LZTS1: variants seen among roughly 807,000 people sequenced by gnomAD.
LZTS1 encodes leucine zipper tumor suppressor 1.
Under a neutral mutation model 45.8 loss-of-function variants are expected in LZTS1, and 31 were observed. That is an observed-to-expected ratio of 0.68 (90% CI 0.51 to 0.91). The LOEUF is 0.91. Ranked by LOEUF, LZTS1 falls within the 40% of genes least tolerant of loss-of-function variation. The probability of loss-of-function intolerance (pLI) is 0.00; values close to 1 mark genes in which losing one functional copy is unlikely to be tolerated. For missense variants in LZTS1, 821 were observed against 788.9 expected, an observed-to-expected ratio of 1.04 and a Z score of -0.49; for synonymous variants, 359 against 357.3, an observed-to-expected ratio of 1.00 and a Z score of -0.05.
chr8:20,276,916 C>T (rs1013779206), intron 1 of LZTS1, among the ~76,000 whole-genome samples: 5 of 152,186 alleles, frequency 3.3e-5, no homozygotes, highest in African/African-American at 1.2e-4. Flanking sequence ...GCTCCCAATA[C>T]TGGACATTAG....
Position 20,253,367 on chromosome 8 carries a change from G to A in LZTS1, c.564C>T (p.Ser188=), listed in dbSNP as rs753823119. 1 of 1,613,516 alleles carries A rather than the reference G, an allele frequency of 6.2e-7. No individual in the cohort carries two copies. Among genetic ancestry groups the A allele is most frequent in the Admixed American group, 1.7e-5 (1 of 60,016 alleles). ...SMSSLPTHST[S]SSYQLDPLVT... ...CCAGCGGGTCCAGCTGGTAGCTGCT[G>A]CTGGTGCTGTGTGTGGGCAGGCTGG... Residue 188 remains serine (S), a synonymous_variant, in exon 3 of 4, where the codon AGC becomes AGT. Coordinates refer to ENST00000381569, the MANE Select transcript of LZTS1 (RefSeq NM_021020.5).
At chr8:20,260,569 A>C (rs951246092) in intron 1 of LZTS1, among the ~76,000 whole-genome samples, 1 of 152,214 alleles carries the variant, frequency 6.6e-6, no homozygotes, top group Admixed American at 6.5e-5. Flanking sequence ...CCCAGATAGC[A>C]AAATGAGCTT....
chr8:20,253,157 C>T lies in LZTS1; in HGVS notation c.774G>A (p.Thr258=), dbSNP rs749986352. 9.9e-6 allele frequency: 16 copies of T among 1,613,244 alleles called. No individual in the cohort carries two copies. Among genetic ancestry groups the T allele is most frequent in the Non-Finnish European group, 1.3e-5 (15 of 1,180,050 alleles). ...GPSCVRSPIS[T]DECSIQELEQ... ...CCAGCTCCTGGATGCTGCACTCGTC[C>T]GTGGAGATGGGGGAGCGGACACACG... Residue 258 remains threonine (T), a synonymous_variant, in exon 3 of 4, where the codon ACG becomes ACA. Transcript: ENST00000381569.
At chr8:20,264,849 G>A (rs903499058) in intron 1 of LZTS1, among the ~76,000 whole-genome samples, 5 of 152,222 alleles carry the variant, frequency 3.3e-5, no homozygotes, top group African/African-American at 1.2e-4. Context: ...TAACAGGACA[G>A]GGACAACTGG....
intron 1 of LZTS1, among the ~76,000 whole-genome samples, chr8:20,258,893 G>A (rs1019194724): frequency 6.6e-6 from 1 of 152,062 alleles, no homozygotes; most frequent in Non-Finnish European, 1.5e-5. Context: ...CCATTCCTGC[G>A]AGGTGTGACT....
intron 1 of LZTS1, among the ~76,000 whole-genome samples, chr8:20,296,745 TCTGGCA>T (rs1271193503): frequency 6.6e-6 from 1 of 152,170 alleles, no homozygotes; most frequent in African/African-American, 2.4e-5. Flanking sequence ...GTGCATGTGC[TCTGGCA>T]CTGGCCTGAA....
chr8:20,257,296 G>A (rs1261275370), intron 1 of LZTS1, among the ~76,000 whole-genome samples: 1 of 152,126 alleles, frequency 6.6e-6, no homozygotes, highest in Non-Finnish European at 1.5e-5. Context: ...GGAGGCGGAG[G>A]TTGCAGTGAG....
chr8:20,288,986 G>GTTTTT (rs1800847427), intron 1 of LZTS1, among the ~76,000 whole-genome samples: 1 of 58,234 alleles, frequency 1.7e-5, no homozygotes, highest in Admixed American at 2.0e-4. Flanking sequence ...AATAGCAGCT[G>GTTTTT]GTTTTTTTTT....
intron 1 of LZTS1, among the ~76,000 whole-genome samples, chr8:20,264,256 G>A (rs1158803022): frequency 4.6e-5 from 7 of 152,032 alleles, no homozygotes; most frequent in Non-Finnish European, 1.0e-4. Context: ...CCATTTACCT[G>A]CTGTGTAATA....
chr8:20,302,084 T>G (rs987813318), intron 1 of LZTS1, among the ~76,000 whole-genome samples: 2 of 152,096 alleles, frequency 1.3e-5, no homozygotes, highest in Non-Finnish European at 1.5e-5. Context: ...CTCCATCCTA[T>G]TAGCTGTGGG....
At chr8:20,291,020 C>A (rs1209706467) in intron 1 of LZTS1, among the ~76,000 whole-genome samples, 1 of 152,226 alleles carries the variant, frequency 6.6e-6, no homozygotes, top group Admixed American at 6.5e-5. Context: ...TCCACTCCTG[C>A]ACCACATCTG....
Position 20,251,150 on chromosome 8 carries a change from A to ATATATATATATATATATAT in LZTS1, c.1150-788_1150-787insATATATATATATATATATA, listed in dbSNP as rs1563851104. ...ATATATATATATATATATATATATAAAATATAAAGTATAAGAGTAGAGATT... is the reference window on the plus strand; with the variant it reads ...ATATATATATATATATATATATATAATATATATATATATATATATAATATAAAGTATAAGAGTAGAGATT... On this transcript the variant is annotated intron_variant, in intron 3 of 3. Transcript: ENST00000381569. Among the ~76,000 whole-genome samples, 8 of 78,980 alleles carry ATATATATATATATATATAT rather than the reference A, an allele frequency of 1.0e-4. 1 individual carries two copies. The highest frequency in any genetic ancestry group is 1.4e-4 in the Non-Finnish European group (5 of 36,900). 51.8% of individuals were successfully genotyped at this position (78,980 alleles called of 152,430 possible).
In LZTS1 at chr8:20,249,724, A is replaced by G; in HGVS notation, c.1789T>C (p.Ter597ArgextTer31). The G allele has an allele frequency of 6.3e-7, 1 of 1,599,914 alleles. No homozygotes were observed. The highest frequency in any genetic ancestry group is 8.5e-7 in the Non-Finnish European group (1 of 1,174,626). The change falls in exon 4 of 4, where the codon TGA becomes CGA. Residue 597 changes from the stop codon to arginine, a stop_lost. Coordinates refer to ENST00000381569, the MANE Select transcript of LZTS1 (RefSeq NM_021020.5). ...GACTCGCCTTCCCAGGCAGCCCCTC[A>G]GATCTCAGTGGCTATGATGTCCTCG... ...PYEDIIATEI[*>R]
At chr8:20,271,093 T>G (rs1800463634) in intron 1 of LZTS1, among the ~76,000 whole-genome samples, 1 of 152,048 alleles carries the variant, frequency 6.6e-6, no homozygotes, top group African/African-American at 2.4e-5. Context: ...TGGGAGTCTG[T>G]GTGCACAAGC....
At chr8:20,291,833 C>CAAAAA (rs1287931694) in intron 1 of LZTS1, among the ~76,000 whole-genome samples, 1 of 117,782 alleles carries the variant, frequency 8.5e-6, no homozygotes, top group African/African-American at 2.7e-5. Context: ...ATCTGATTTC[C>CAAAAA]AAAATCATGG....
At chr8:20,297,160 G>A (rs1289699057) in intron 1 of LZTS1, among the ~76,000 whole-genome samples, 4 of 152,218 alleles carry the variant, frequency 2.6e-5, no homozygotes, top group East Asian at 1.9e-4. Context: ...TTTTAGTTCA[G>A]AACGTACTTG....
intron 1 of LZTS1, among the ~76,000 whole-genome samples, chr8:20,277,158 G>A (rs1046530115): frequency 3.9e-5 from 6 of 152,228 alleles, no homozygotes; most frequent in Non-Finnish European, 7.3e-5. Flanking sequence ...AGATGGTGAT[G>A]AGAGTGACCT....
intron 1 of LZTS1, among the ~76,000 whole-genome samples, chr8:20,269,768 C>T (rs913288082): frequency 6.6e-6 from 1 of 152,186 alleles, no homozygotes; most frequent in Non-Finnish European, 1.5e-5. Context: ...AGATCTCTGA[C>T]TTTGTGGGAT....
chr8:20,250,129 C>T lies in LZTS1; in HGVS notation c.1384G>A (p.Glu462Lys), dbSNP rs1799852245. 6.2e-7 allele frequency: 1 copy of T among 1,607,600 alleles called. No individual in the cohort carries two copies. Among genetic ancestry groups the T allele is most frequent in the Non-Finnish European group, 8.5e-7 (1 of 1,179,146 alleles). The stretch of plus-strand genomic sequence containing the variant: ...AGGTTCACCTTCTCCCGCAGCAGCT[C>T]CGCCTCGTTCTTCTTGCGCTGCAGC... ...NELQRKKNEA[E>K]LLREKVNLLE... The change falls in exon 4 of 4, where the codon GAG (glutamate) becomes AAG (lysine). Residue 462 changes from glutamate (E) to lysine (K), a missense_variant. Coordinates refer to ENST00000381569, the MANE Select transcript of LZTS1 (RefSeq NM_021020.5).
Sources: allele counts gnomAD v4.1 joint callset (sites outside exome capture counted in the v4.1 genomes callset), GRCh38; gene constraint gnomAD v4.1.1; transcripts MANE v1.5; gene names NCBI Gene and HGNC (gene_info 2026-07-23, HGNC 2026-07-21).